AGBL1: variants seen among roughly 807,000 people sequenced by gnomAD.
AGBL1 encodes the protein cytosolic carboxypeptidase 4.
A neutral mutation model predicts 118.9 loss-of-function variants in AGBL1; 130 were observed. That is an observed-to-expected ratio of 1.09 (90% CI 0.95 to 1.26). The LOEUF is 1.26. Ranked by LOEUF, AGBL1 falls within the 50% of genes most tolerant of loss-of-function variation. The probability of loss-of-function intolerance (pLI) is 0.00; values close to 1 mark genes in which losing one functional copy is unlikely to be tolerated. For synonymous variants in AGBL1, 555 were observed against 478.9 expected (o/e 1.16, Z -2.08); for missense variants, 1,584 against 1,298.1 (o/e 1.22, Z -3.38).
intron 21 of AGBL1, among the ~76,000 whole-genome samples, chr15:86,663,441 A>G (rs527894061): frequency 3.1e-4 from 47 of 152,270 alleles, no homozygotes; most frequent in Non-Finnish European, 5.7e-4. Context: ...AGGTCTAAAG[A>G]GATTACTCCT....
chr15:86,540,204 G>A (rs753360090), intron 19 of AGBL1, among the ~76,000 whole-genome samples: 12 of 152,174 alleles, frequency 7.9e-5, no homozygotes, highest in Middle Eastern at 3.4e-3. Flanking sequence ...TTATTGTTAC[G>A]GAGAGCAGTG....
At chr15:86,245,142 C>T (rs1383696834) in intron 6 of AGBL1, among the ~76,000 whole-genome samples, 1 of 151,788 alleles carries the variant, frequency 6.6e-6, no homozygotes, top group Non-Finnish European at 1.5e-5. Flanking sequence ...TCAAGCCTGA[C>T]AATTTAGAAT....
chr15:86,108,066 T>C (rs1019487368), intron 1 of AGBL1, among the ~76,000 whole-genome samples: 2 of 152,214 alleles, frequency 1.3e-5, no homozygotes, highest in African/African-American at 2.4e-5. Context: ...AGGGCTGCCT[T>C]ACAACCCTAT....
intron 1 of AGBL1, among the ~76,000 whole-genome samples, chr15:86,129,226 C>G (rs1236794484): frequency 1.3e-5 from 2 of 152,160 alleles, no homozygotes; most frequent in Non-Finnish European, 2.9e-5. Flanking sequence ...CTGGATATAT[C>G]TATAGAATGA....
At chr15:86,802,643 C>T (rs2078666330) in intron 22 of AGBL1, among the ~76,000 whole-genome samples, 1 of 152,150 alleles carries the variant, frequency 6.6e-6, no homozygotes, top group African/African-American at 2.4e-5. Flanking sequence ...ATATGCATAT[C>T]ATTGTTTCTG....
rs117235304 is a variant in AGBL1 at position 86,849,517 on chromosome 15, C to T, written c.3159-57570C>T. On this transcript the variant is annotated intron_variant, in intron 22 of 22. Transcript: ENST00000614907. Reference sequence around the variant, plus strand: ...AGGTGATGGCTTTCTTTCTTTCTTTCTTTTTTTTTTTTTTTGGCTGATCTT... The same window carrying T: ...AGGTGATGGCTTTCTTTCTTTCTTTTTTTTTTTTTTTTTTTGGCTGATCTT... Among the ~76,000 whole-genome samples the T allele has an allele frequency of 6.2e-3, 842 of 136,746 alleles. 35 individuals carry two copies. The highest frequency in any genetic ancestry group is 0.055 in the Admixed American group (730 of 13,198). The allele number at this position is 136,746 out of a possible 152,430, so 89.7% of individuals were successfully genotyped here.
chr15:86,850,776 A>G (rs1181817720), intron 22 of AGBL1, among the ~76,000 whole-genome samples: 1 of 152,228 alleles, frequency 6.6e-6, no homozygotes, highest in Non-Finnish European at 1.5e-5. Context: ...TATAGCAAGT[A>G]TTTACTTACT....
intron 22 of AGBL1, among the ~76,000 whole-genome samples, chr15:86,815,492 A>T (rs2078845894): frequency 6.6e-6 from 1 of 152,140 alleles, no homozygotes; most frequent in Admixed American, 6.6e-5. Context: ...CAAAATGTTC[A>T]TATTTAGAAA....
At chr15:86,629,264 GA>G (rs35108433) in intron 21 of AGBL1, among the ~76,000 whole-genome samples, 9 of 151,940 alleles carry the variant, frequency 5.9e-5, no homozygotes, top group African/African-American at 1.5e-4. Context: ...TAACAGGAAG[GA>G]AAAAAATGTG....
At chr15:87,031,389 G>T (rs533853642), downstream of AGBL1, among the ~76,000 whole-genome samples, 3 of 151,816 alleles carry the variant, frequency 2.0e-5, no homozygotes, top group African/African-American at 7.3e-5. Context: ...TAAATATGTG[G>T]CTCCCTTATT....
intron 22 of AGBL1, among the ~76,000 whole-genome samples, chr15:86,858,659 G>A (rs910742663): frequency 6.6e-6 from 1 of 152,204 alleles, no homozygotes; most frequent in Non-Finnish European, 1.5e-5. Context: ...GAGCTTACAT[G>A]CTCAGGAGGG....
chr15:86,679,233 CT>C (rs1412624775), intron 22 of AGBL1, among the ~76,000 whole-genome samples: 1 of 152,036 alleles, frequency 6.6e-6, no homozygotes, highest in Non-Finnish European at 1.5e-5. Flanking sequence ...TTCAGATCTG[CT>C]TTGATGTTCA....
intron 17 of AGBL1, among the ~76,000 whole-genome samples, chr15:86,315,332 T>C (rs1389524834): frequency 1.3e-5 from 2 of 152,174 alleles, no homozygotes; most frequent in East Asian, 3.8e-4. Flanking sequence ...CTAAAGGTAT[T>C]GACTGTTGGG....
At chr15:86,298,086 G>C (rs2079675185) in intron 17 of AGBL1, among the ~76,000 whole-genome samples, 1 of 151,370 alleles carries the variant, frequency 6.6e-6, no homozygotes, top group African/African-American at 2.4e-5. Flanking sequence ...AGATACTGTG[G>C]CAGGAAGGGA....
chr15:86,441,631 T>C (rs2082065636), intron 18 of AGBL1, among the ~76,000 whole-genome samples: 1 of 152,162 alleles, frequency 6.6e-6, no homozygotes, highest in Non-Finnish European at 1.5e-5. Flanking sequence ...TAAATAACAG[T>C]GTGTGTACTT....
At chr15:86,894,692 A>T (rs1466870927) in intron 22 of AGBL1, among the ~76,000 whole-genome samples, 17 of 152,200 alleles carry the variant, frequency 1.1e-4, no homozygotes, top group Admixed American at 1.1e-3. Context: ...GCAGTGGTGA[A>T]ACCAGTAGGA....
At chr15:86,377,309 T>G (rs546409956) in intron 17 of AGBL1, among the ~76,000 whole-genome samples, 6 of 152,240 alleles carry the variant, frequency 3.9e-5, no homozygotes, top group Non-Finnish European at 7.3e-5. Context: ...ACATGGCATG[T>G]CTCAGTCTTG....
intron 17 of AGBL1, among the ~76,000 whole-genome samples, chr15:86,385,174 C>T (rs1252509083): frequency 6.6e-6 from 1 of 152,180 alleles, no homozygotes; most frequent in Non-Finnish European, 1.5e-5. Context: ...ATATCTATGT[C>T]TCATTCATCA....
chr15:86,952,243 AT>A (rs1298404224), intron 23 of AGBL1, among the ~76,000 whole-genome samples: 4 of 151,620 alleles, frequency 2.6e-5, no homozygotes, highest in Non-Finnish European at 5.9e-5. Flanking sequence ...AAAAAAAAAA[AT>A]TTTTTTGTCA....
Sources: allele counts gnomAD v4.1 joint callset (sites outside exome capture counted in the v4.1 genomes callset), GRCh38; gene constraint gnomAD v4.1.1; transcripts MANE v1.5; gene names NCBI Gene and HGNC (gene_info 2026-07-23, HGNC 2026-07-21).